The following SEMA6D variants were observed in gnomAD, a reference collection of about 807,000 sequenced individuals.
SEMA6D encodes the protein semaphorin 6D, also known as semaphorin-6D.
In SEMA6D, 35 loss-of-function variants were observed where a neutral mutation model predicts 106.6. That is an observed-to-expected ratio of 0.33 (90% CI 0.25 to 0.44). The LOEUF is 0.44. SEMA6D is among the 20% of genes least tolerant of loss of function. The pLI, the probability that SEMA6D is intolerant of heterozygous loss-of-function variation, is 1.00. For synonymous variants in SEMA6D, 499 were observed against 487.7 expected (o/e 1.02, Z -0.31); for missense variants, 1,185 against 1,345.9 (o/e 0.88, Z 1.87).
At position 47,607,754 on chromosome 15, in the gene SEMA6D, A is replaced by G. The variant is rs1290494694; in HGVS notation, c.-55+6858A>G. Among the ~76,000 whole-genome samples the G allele has an allele frequency of 2.0e-5, 3 of 152,180 alleles. No homozygotes were observed. The East Asian group carries it at 5.8e-4, about 29-fold the overall frequency. On this transcript the variant is annotated intron_variant, in intron 4 of 19. Transcript: ENST00000558014. ...TGGGCTTGTAGCCCATTTACATTGT[A>G]CTCTGTGACATGTGAGGTATTGATG...
intron 1 of SEMA6D, among the ~76,000 whole-genome samples, chr15:47,719,161 G>A (rs1181827230): frequency 6.6e-6 from 1 of 151,816 alleles, no homozygotes; most frequent in African/African-American, 2.4e-5. Context: ...GCGGGGGTGG[G>A]GGTGTGGAGG....
intron 1 of SEMA6D, among the ~76,000 whole-genome samples, chr15:47,337,960 G>T (rs779530225): frequency 6.6e-6 from 1 of 152,136 alleles, no homozygotes; most frequent in Admixed American, 6.6e-5. Flanking sequence ...GATGGAGGTC[G>T]GTTTTGCCTT....
intron 1 of SEMA6D, among the ~76,000 whole-genome samples, chr15:47,404,596 A>G (rs1029569484): frequency 2.0e-5 from 3 of 152,146 alleles, no homozygotes; most frequent in African/African-American, 7.2e-5. Context: ...TTAATAGGGA[A>G]AATGAAGTTA....
intron 1 of SEMA6D, among the ~76,000 whole-genome samples, chr15:47,238,581 A>G (rs546853522): frequency 6.6e-6 from 1 of 152,174 alleles, no homozygotes; most frequent in Non-Finnish European, 1.5e-5. Context: ...TGTGTTCCCA[A>G]GAGTGCCTAG....
chr15:47,621,047 T>A lies in SEMA6D; in HGVS notation c.-55+20151T>A, dbSNP rs1222529367. The stretch of plus-strand genomic sequence containing the variant: ...CATACACAACGGGCATATAGACTCA[T>A]AGAGATGGGCTCTTACATCCTTGTT... On this transcript the variant is annotated intron_variant, in intron 4 of 19. Transcript: ENST00000558014. 3.9e-5 allele frequency among the ~76,000 whole-genome samples: 6 copies of A among 152,270 alleles called. No individual in the cohort carries two copies. In the East Asian group the frequency reaches 1.2e-3, roughly 30 times the overall value.
At chr15:47,278,205 T>C (rs1304147878) in intron 1 of SEMA6D, among the ~76,000 whole-genome samples, 2 of 152,188 alleles carry the variant, frequency 1.3e-5, no homozygotes. Flanking sequence ...TCCACAGTGG[T>C]TGAACTAGTT....
intron 1 of SEMA6D, among the ~76,000 whole-genome samples, chr15:47,230,844 A>G (rs1377176585): frequency 6.6e-6 from 1 of 152,054 alleles, no homozygotes; most frequent in African/African-American, 2.4e-5. Context: ...GGGAGAACCA[A>G]TGGTTCCCTG....
At chr15:47,603,105 G>A (rs944818533) in intron 4 of SEMA6D, among the ~76,000 whole-genome samples, 1 of 152,086 alleles carries the variant, frequency 6.6e-6, no homozygotes, top group Admixed American at 6.6e-5. Flanking sequence ...TGAAGATACT[G>A]GTGTTTTCTT....
At chr15:47,432,497 T>TAC (rs35181178) in intron 2 of SEMA6D, among the ~76,000 whole-genome samples, 6 of 151,110 alleles carry the variant, frequency 4.0e-5, no homozygotes, top group African/African-American at 1.5e-4. Context: ...TATATATATA[T>TAC]ACACACACAC....
At chr15:47,597,362 C>T (rs1304710164) in intron 3 of SEMA6D, among the ~76,000 whole-genome samples, 1 of 152,060 alleles carries the variant, frequency 6.6e-6, no homozygotes, top group African/African-American at 2.4e-5. Context: ...AATTCCACTA[C>T]TGGGTAGGTA....
chr15:47,307,625 A>G (rs1443423989), intron 1 of SEMA6D, among the ~76,000 whole-genome samples: 3 of 152,178 alleles, frequency 2.0e-5, no homozygotes, highest in Non-Finnish European at 2.9e-5. Flanking sequence ...AAAGTGGGGA[A>G]TTCAGTGACC....
At chr15:47,494,103 G>A (rs1317387943) in intron 3 of SEMA6D, among the ~76,000 whole-genome samples, 2 of 152,090 alleles carry the variant, frequency 1.3e-5, no homozygotes, top group Non-Finnish European at 2.9e-5. Flanking sequence ...GAGTATCCAA[G>A]TGCTTGCTGG....
intron 2 of SEMA6D, among the ~76,000 whole-genome samples, chr15:47,450,856 C>A (rs1462014363): frequency 6.6e-6 from 1 of 151,958 alleles, no homozygotes. Context: ...CAAGGGGAAC[C>A]CTACAATATC....
intron 1 of SEMA6D, among the ~76,000 whole-genome samples, chr15:47,723,697 A>AT (rs142790573): frequency 0.28 from 42,457 of 151,396 alleles, 6,633 homozygotes; most frequent in African/African-American, 0.4. Context: ...ATGCATCAGC[A>AT]TTTTTTTTTG....
chr15:47,245,609 T>C (rs971221253), intron 1 of SEMA6D, among the ~76,000 whole-genome samples: 9 of 152,250 alleles, frequency 5.9e-5, no homozygotes, highest in African/African-American at 2.2e-4. Flanking sequence ...AGGAAGATGT[T>C]CTACTGTTAT....
intron 1 of SEMA6D, among the ~76,000 whole-genome samples, chr15:47,371,259 C>T (rs778841365): frequency 1.4e-3 from 216 of 152,334 alleles, no homozygotes; most frequent in Non-Finnish European, 2.2e-3. Flanking sequence ...CGTGCCCTCA[C>T]AGTCCAGTTT....
At chr15:47,479,153 C>T (rs571787846) in intron 3 of SEMA6D, among the ~76,000 whole-genome samples, 2 of 152,238 alleles carry the variant, frequency 1.3e-5, no homozygotes, top group African/African-American at 4.8e-5. Context: ...TTCATCCTTG[C>T]TTGGTCTTGG....
chr15:47,665,738 A>G (rs6493289), intron 4 of SEMA6D, among the ~76,000 whole-genome samples: 1,533 of 152,354 alleles, frequency 0.01, 31 homozygotes, highest in African/African-American at 0.035. Flanking sequence ...TGAACCCAGG[A>G]GGTGGAGGTT....
chr15:47,528,701 A>G (rs2044844994), intron 3 of SEMA6D, among the ~76,000 whole-genome samples: 1 of 152,172 alleles, frequency 6.6e-6, no homozygotes. Flanking sequence ...TTCCTCTCAT[A>G]TTGCATTAGC....
Sources: allele counts gnomAD v4.1 joint callset (sites outside exome capture counted in the v4.1 genomes callset), GRCh38; gene constraint gnomAD v4.1.1; transcripts MANE v1.5; gene names NCBI Gene and HGNC (gene_info 2026-07-23, HGNC 2026-07-21).